Variants in CACNA1D observed in about 807,000 individuals in gnomAD.
CACNA1D encodes the protein voltage-dependent L-type calcium channel subunit alpha-1D.
A neutral mutation model predicts 257.1 loss-of-function variants in CACNA1D; 55 were observed. That is an observed-to-expected ratio of 0.21 (90% CI 0.17 to 0.27). The LOEUF is 0.27. Among genes scored for constraint, CACNA1D ranks in the 10% least tolerant of loss-of-function variants. The pLI is 1.00. For synonymous variants in CACNA1D, 980 were observed against 1,014.9 expected, an observed-to-expected ratio of 0.97 and a Z score of 0.65; for missense variants, 1,876 against 2,784.0, an observed-to-expected ratio of 0.67 and a Z score of 7.34.
chr3:53,800,905 T>G lies in CACNA1D; in HGVS notation c.5041-153T>G, dbSNP rs1412100262. The stretch of plus-strand genomic sequence containing the variant: ...GGGACCAACTGCCACACAGTCACAT[T>G]CACCCTGATCATTGAGACACTCAGA... On this transcript the variant is annotated intron_variant, in intron 41 of 47. Coordinates refer to ENST00000350061, the MANE Select transcript of CACNA1D (RefSeq NM_001128840.3). This position sits in a 1 kb window ranked among gnomAD's most constrained non-coding sequence, Gnocchi z 4.3. 2.6e-6 allele frequency: 2 copies of G among 758,838 alleles called. No homozygotes were observed. Among genetic ancestry groups the G allele is most frequent in the Non-Finnish European group, 4.6e-6 (2 of 436,956 alleles). The allele number at this position is 758,838 out of a possible 1,614,324, so 47.0% of individuals were successfully genotyped here.
At chr3:53,711,771 G>T (rs2094759032) in intron 9 of CACNA1D, among the ~76,000 whole-genome samples, 1 of 152,228 alleles carries the variant, frequency 6.6e-6, no homozygotes, top group South Asian at 2.1e-4. Context: ...TCATCAGAAG[G>T]CCTAAAAGTG....
At chr3:53,511,571 A>T (rs1025291290) in intron 3 of CACNA1D, among the ~76,000 whole-genome samples, 4 of 152,182 alleles carry the variant, frequency 2.6e-5, no homozygotes, top group African/African-American at 9.7e-5. Flanking sequence ...TGGTCCCTGC[A>T]TTCATGTTTT....
rs145093481 is a variant in CACNA1D, at chr3:53,557,977, C to T, written c.483+56257C>T. ...ATTTCAATCATATTGTTTTCTAATT[C>T]CTGAACATGATATCCTTCTCTATTT... On this transcript the variant is annotated intron_variant, in intron 3 of 47. Transcript: ENST00000350061. 2.3e-4 allele frequency among the ~76,000 whole-genome samples: 35 copies of T among 152,244 alleles called. No homozygotes were observed. In the East Asian group the frequency reaches 6.4e-3, roughly 28 times the overall value.
chr3:53,518,806 T>A (rs1204951298), intron 3 of CACNA1D, among the ~76,000 whole-genome samples: 1 of 152,226 alleles, frequency 6.6e-6, no homozygotes, highest in South Asian at 2.1e-4. Flanking sequence ...GCTCTGAAGG[T>A]CTTACGTTGA....
intron 9 of CACNA1D, among the ~76,000 whole-genome samples, 153 bp from the exon 10 acceptor site, chr3:53,718,148 G>A (rs983689899): frequency 1.3e-5 from 2 of 152,160 alleles, no homozygotes; most frequent in Non-Finnish European, 2.9e-5. Flanking sequence ...TGGCTCCTTG[G>A]CACTCCCTTA....
At chr3:53,588,738 C>T (rs993702062) in intron 3 of CACNA1D, among the ~76,000 whole-genome samples, 2 of 152,120 alleles carry the variant, frequency 1.3e-5, no homozygotes, top group African/African-American at 4.8e-5. Context: ...TAACCAGATA[C>T]TTTCTAACCT....
At chr3:53,804,691 C>G (rs1393620923) in intron 44 of CACNA1D, among the ~76,000 whole-genome samples, 2 of 152,182 alleles carry the variant, frequency 1.3e-5, no homozygotes, top group Admixed American at 6.5e-5. Context: ...GGGGCTCTCA[C>G]GGAGGAAATG....
At chr3:53,501,529 G>C in intron 2 of CACNA1D, 86 bp from the exon 3 acceptor site, 1 of 759,870 alleles carries the variant, frequency 1.3e-6, no homozygotes, top group Non-Finnish European at 2.3e-6. Flanking sequence ...TTTTAAAAGT[G>C]CTTTGAAAGT....
intron 8 of CACNA1D, among the ~76,000 whole-genome samples, chr3:53,682,877 A>C (rs1413771070): frequency 6.6e-6 from 1 of 152,210 alleles, no homozygotes; most frequent in African/African-American, 2.4e-5. Flanking sequence ...AATAGGAAGC[A>C]ACTATTTTCA....
intron 11 of CACNA1D, among the ~76,000 whole-genome samples, chr3:53,721,856 G>A (rs940301665): frequency 1.5e-4 from 23 of 152,040 alleles, no homozygotes; most frequent in Non-Finnish European, 8.8e-5. Flanking sequence ...GGTAAATTCT[G>A]TATGGTGATT....
At chr3:53,685,959 T>G (rs2094470305) in intron 8 of CACNA1D, among the ~76,000 whole-genome samples, 1 of 152,104 alleles carries the variant, frequency 6.6e-6, no homozygotes, top group Admixed American at 6.5e-5. Flanking sequence ...TAAAGTTATT[T>G]AGAAAGCGTA....
chr3:53,554,195 CAAA>C (rs536981451), intron 3 of CACNA1D, among the ~76,000 whole-genome samples: 2 of 113,990 alleles, frequency 1.8e-5, no homozygotes, highest in Non-Finnish European at 1.9e-5. Context: ...GACTCTGTCT[CAAA>C]AAAAAAAAAA....
chr3:53,768,209 C>A (rs2095345993), intron 30 of CACNA1D, among the ~76,000 whole-genome samples: 1 of 152,178 alleles, frequency 6.6e-6, no homozygotes, highest in Admixed American at 6.5e-5. Context: ...AGACTGTGGC[C>A]AGGAGTGTCT....
chr3:53,782,166 A>G (rs1264731946), intron 39 of CACNA1D, among the ~76,000 whole-genome samples: 1 of 150,014 alleles, frequency 6.7e-6, no homozygotes, highest in Non-Finnish European at 1.5e-5. Flanking sequence ...TCCTTTTGTT[A>G]TTTATCACAA....
At chr3:53,568,065 A>G (rs2092878321) in intron 3 of CACNA1D, among the ~76,000 whole-genome samples, 1 of 152,220 alleles carries the variant, frequency 6.6e-6, no homozygotes, top group African/African-American at 2.4e-5. Flanking sequence ...GGACACATCA[A>G]GGGGCTGTTT....
intron 8 of CACNA1D, among the ~76,000 whole-genome samples, chr3:53,681,630 G>A (rs923235112): frequency 3.9e-5 from 6 of 152,140 alleles, no homozygotes; most frequent in East Asian, 1.9e-4. Context: ...TGTAGGCACC[G>A]TGTAGGCACT....
At chr3:53,785,176 A>G (rs893524816) in intron 39 of CACNA1D, among the ~76,000 whole-genome samples, 1 of 152,220 alleles carries the variant, frequency 6.6e-6, no homozygotes, top group South Asian at 2.1e-4. Flanking sequence ...GTGAAATACC[A>G]GGACCTGAGT....
chr3:53,710,742 T>A (rs2094744837), intron 9 of CACNA1D, among the ~76,000 whole-genome samples: 1 of 152,260 alleles, frequency 6.6e-6, no homozygotes, highest in Non-Finnish European at 1.5e-5. Flanking sequence ...GGCATGAATA[T>A]TCTTAGACTG....
intron 3 of CACNA1D, among the ~76,000 whole-genome samples, chr3:53,564,145 T>C (rs1450613395): frequency 6.6e-6 from 1 of 152,160 alleles, no homozygotes; most frequent in Non-Finnish European, 1.5e-5. Context: ...CCGTTGAGTC[T>C]TATGTCCATT....
Sources: gnomAD v4.1 joint callset for allele counts (sites outside exome capture counted in the v4.1 genomes callset) on GRCh38, gnomAD v4.1.1 for gene constraint, Gnocchi (gnomAD v3.1) non-coding constraint, MANE v1.5 for transcripts, NCBI Gene and HGNC (gene_info 2026-07-23, HGNC 2026-07-21) for gene names.